The following RBMS3 variants were observed in gnomAD, a reference collection of about 807,000 sequenced individuals.
The protein encoded by RBMS3 is RNA binding motif single stranded interacting protein 3.
A neutral mutation model predicts 66.8 loss-of-function variants in RBMS3; 27 were observed. That is an observed-to-expected ratio of 0.40 (90% confidence interval 0.30 to 0.56). RBMS3 has a LOEUF of 0.56. Among genes scored for constraint, RBMS3 ranks in the 20% least tolerant of loss-of-function variants. RBMS3 has a pLI of 0.40. For synonymous variants in RBMS3, 188 were observed against 183.0 expected (o/e 1.03, Z -0.22); for missense variants, 513 against 549.5 (o/e 0.93, Z 0.66).
chr3:29,543,833 G>GC (rs891999552), intron 3 of RBMS3, among the ~76,000 whole-genome samples: 1 of 151,952 alleles, frequency 6.6e-6, no homozygotes, highest in African/African-American at 2.4e-5. Context: ...AAGGTACATC[G>GC]TTTTTTTCAG....
At chr3:29,547,635 T>C (rs1008027839) in intron 3 of RBMS3, among the ~76,000 whole-genome samples, 1 of 152,030 alleles carries the variant, frequency 6.6e-6, no homozygotes, top group Non-Finnish European at 1.5e-5. Context: ...CATAATTACA[T>C]GCACAAATAG....
chr3:29,451,095 T>C (rs1273297486), intron 2 of RBMS3, among the ~76,000 whole-genome samples: 1 of 152,196 alleles, frequency 6.6e-6, no homozygotes, highest in Non-Finnish European at 1.5e-5. Context: ...TGTCAACAAA[T>C]GTTAACTGTT....
rs549330810 is a variant in RBMS3, at chr3:29,947,191, G to A, written c.1098+2937G>A. 6.2e-4 allele frequency among the ~76,000 whole-genome samples: 94 copies of A among 151,564 alleles called. 1 individual carries two copies. Among genetic ancestry groups the A allele is most frequent in the South Asian group, 3.3e-3 (16 of 4,814 alleles). On this transcript the variant is annotated intron_variant, in intron 12 of 14. Transcript: ENST00000383767. ...ATTTTGGATAATGAACTATTTCTTG[G>A]CAAAGTTTGAATCATGGGAGCAGGT...
chr3:29,652,560 A>G (rs762442366), intron 4 of RBMS3, among the ~76,000 whole-genome samples: 1 of 152,114 alleles, frequency 6.6e-6, no homozygotes, highest in Non-Finnish European at 1.5e-5. Flanking sequence ...GCAGAATTGT[A>G]TTTCTCACAT....
chr3:29,378,397 C>T (rs1283325141), intron 1 of RBMS3, among the ~76,000 whole-genome samples: 3 of 151,454 alleles, frequency 2.0e-5, no homozygotes, highest in South Asian at 2.1e-4. Flanking sequence ...GCATGAAACC[C>T]GGAGGCGGAG....
intron 6 of RBMS3, among the ~76,000 whole-genome samples, chr3:29,793,586 T>C (rs1236687630): frequency 6.6e-6 from 1 of 152,220 alleles, no homozygotes; most frequent in Non-Finnish European, 1.5e-5. Flanking sequence ...TTTGAAGAGC[T>C]TAATAAAAAT....
intron 8 of RBMS3, among the ~76,000 whole-genome samples, chr3:29,891,997 A>T (rs9857647): frequency 0.15 from 22,017 of 151,386 alleles, 2,773 homozygotes; most frequent in African/African-American, 0.34. Context: ...AAAAAAATTA[A>T]ACCCTGGGGT....
intron 4 of RBMS3, among the ~76,000 whole-genome samples, chr3:29,689,153 A>C (rs7629970): frequency 3.9e-4 from 59 of 152,084 alleles, no homozygotes; most frequent in African/African-American, 1.4e-3. Flanking sequence ...TGCTTCCTTT[A>C]GAGCTTGTAT....
At chr3:29,441,620 G>A (rs1482587481) in intron 2 of RBMS3, among the ~76,000 whole-genome samples, 1 of 152,120 alleles carries the variant, frequency 6.6e-6, no homozygotes, top group Non-Finnish European at 1.5e-5. Context: ...GAGAATAAGG[G>A]TGGCATAAAT....
intron 3 of RBMS3, among the ~76,000 whole-genome samples, chr3:29,585,799 G>C (rs947862245): frequency 1.5e-4 from 23 of 151,914 alleles, no homozygotes; most frequent in Admixed American, 4.6e-4. Flanking sequence ...TACAGAACAG[G>C]CTTCCTTTTG....
intron 12 of RBMS3, among the ~76,000 whole-genome samples, chr3:29,973,565 A>G (rs915830192): frequency 3.3e-5 from 5 of 151,958 alleles, no homozygotes; most frequent in Non-Finnish European, 7.4e-5. Flanking sequence ...TACTTGGCAT[A>G]TAATAGGGAT....
chr3:29,978,416 G>T (rs1337075761), intron 12 of RBMS3, among the ~76,000 whole-genome samples: 1 of 151,928 alleles, frequency 6.6e-6, no homozygotes, highest in Non-Finnish European at 1.5e-5. Flanking sequence ...TTTCAAACAA[G>T]TATTTCAAGT....
intron 13 of RBMS3, among the ~76,000 whole-genome samples, chr3:29,988,693 C>G (rs1456677647): frequency 6.6e-6 from 1 of 152,020 alleles, no homozygotes; most frequent in Non-Finnish European, 1.5e-5. Context: ...GATGCTGAGA[C>G]AGGAGGATCT....
At chr3:29,325,968 C>T (rs1296078794) in intron 1 of RBMS3, among the ~76,000 whole-genome samples, 1 of 152,114 alleles carries the variant, frequency 6.6e-6, no homozygotes, top group African/African-American at 2.4e-5. Context: ...CTGGATAGGA[C>T]TATGAAGTGT....
At position 29,593,365 on chromosome 3, in the gene RBMS3, A is replaced by G. The variant is rs116103265; in HGVS notation, c.399+6160A>G. On this transcript the variant is annotated intron_variant, in intron 4 of 14. Coordinates refer to ENST00000383767, the MANE Select transcript of RBMS3 (RefSeq NM_001003793.3). ...ATCATTCCTAGGTAAAGCAGAAGAA[A>G]CAGGCTATTTGCTATTTATTGGTCA... 2.7e-3 allele frequency among the ~76,000 whole-genome samples: 410 copies of G among 152,262 alleles called. 4 individuals are homozygous for G. Among genetic ancestry groups the G allele is most frequent in the African/African-American group, 7.8e-3 (326 of 41,560 alleles).
At chr3:29,675,148 C>A (rs552566187) in intron 4 of RBMS3, among the ~76,000 whole-genome samples, 1 of 152,258 alleles carries the variant, frequency 6.6e-6, no homozygotes, top group Non-Finnish European at 1.5e-5. Flanking sequence ...TGATCTTTGA[C>A]AAACTTGACA....
chr3:29,832,391 A>AC (rs2058391578), intron 6 of RBMS3, among the ~76,000 whole-genome samples: 1 of 152,198 alleles, frequency 6.6e-6, no homozygotes, highest in Non-Finnish European at 1.5e-5. Flanking sequence ...ACTGATTTTG[A>AC]TAAGTACCAA....
At chr3:29,359,515 G>A (rs1193871435) in intron 1 of RBMS3, among the ~76,000 whole-genome samples, 1 of 152,040 alleles carries the variant, frequency 6.6e-6, no homozygotes, top group African/African-American at 2.4e-5. Flanking sequence ...CTCTTTTTTT[G>A]TTGTGTCGCT....
intron 6 of RBMS3, among the ~76,000 whole-genome samples, chr3:29,807,602 T>C (rs367636191): frequency 1.3e-5 from 2 of 151,898 alleles, no homozygotes; most frequent in East Asian, 1.9e-4. Context: ...AAATGATTTT[T>C]AAAACTTTTC....
Sources: allele counts gnomAD v4.1 joint callset (sites outside exome capture counted in the v4.1 genomes callset), GRCh38; gene constraint gnomAD v4.1.1; transcripts MANE v1.5; gene names NCBI Gene and HGNC (gene_info 2026-07-23, HGNC 2026-07-21).